Variants in DSTYK observed in about 807,000 individuals in gnomAD.
DSTYK encodes the protein RIP-homologous kinase.
DSTYK carries 34 observed loss-of-function variants against 98.7 expected under a neutral mutation model. The ratio of observed to expected loss-of-function variants is 0.34; its 90% confidence interval spans 0.26 to 0.46. The LOEUF (loss-of-function observed/expected upper bound fraction) is 0.46. Ranked by LOEUF, DSTYK falls within the 20% of genes least tolerant of loss-of-function variation. DSTYK has a pLI of 1.00. For missense variants in DSTYK, 962 were observed against 1,181.7 expected, an observed-to-expected ratio of 0.81 and a Z score of 2.73; for synonymous variants, 462 against 457.3, an observed-to-expected ratio of 1.01 and a Z score of -0.13.
At chr1:205,193,852 C>T (rs1658782859) in intron 1 of DSTYK, among the ~76,000 whole-genome samples, 1 of 141,976 alleles carries the variant, frequency 7.0e-6, no homozygotes, top group Non-Finnish European at 1.5e-5. Context: ...GCCTGGGCAA[C>T]AGAGTGAGAC....
chr1:205,164,389 G>A (rs1657823837), intron 3 of DSTYK, among the ~76,000 whole-genome samples: 1 of 151,868 alleles, frequency 6.6e-6, no homozygotes, highest in Admixed American at 6.6e-5. Flanking sequence ...CTGGGTGATG[G>A]GAGTGAGACC....
chr1:205,192,844 AAG>A (rs1192988358), intron 1 of DSTYK, among the ~76,000 whole-genome samples: 1 of 149,646 alleles, frequency 6.7e-6, no homozygotes, highest in African/African-American at 2.6e-5. Context: ...TCTGAGTGAC[AAG>A]AGCGAAACTC....
chr1:205,207,862 CCTTT>C (rs1223821243), intron 1 of DSTYK, among the ~76,000 whole-genome samples: 1 of 149,552 alleles, frequency 6.7e-6, no homozygotes, highest in Non-Finnish European at 1.5e-5. Flanking sequence ...GTGCTCAAAG[CCTTT>C]ATTTATGTAT....
chr1:205,169,633 C>A lies in DSTYK; in HGVS notation c.854G>T (p.Gly285Val). ...GGTTGAGGAGTCTATTATCTCCGAG[C>A]CCAGTTTCGGCACTTTGAAAAAGAA... ...PVFFFKVPKL[G>V]SEIIDSSTRR... The change falls in exon 3 of 13, where the codon GGC (glycine) becomes GTC (valine). Residue 285 changes from glycine (G) to valine (V), a missense_variant. Coordinates refer to ENST00000367162, the MANE Select transcript of DSTYK (RefSeq NM_015375.3). The surrounding 1 kb of genome is among the most constrained non-coding windows in gnomAD (Gnocchi z 4.0). 1 of 1,614,178 alleles carries A rather than the reference C, an allele frequency of 6.2e-7. No individual in the cohort carries two copies. The highest frequency in any genetic ancestry group is 8.5e-7 in the Non-Finnish European group (1 of 1,180,030).
intron 3 of DSTYK, among the ~76,000 whole-genome samples, chr1:205,168,038 G>A (rs1213219494): frequency 2.6e-5 from 4 of 152,146 alleles, no homozygotes; most frequent in African/African-American, 7.2e-5. Flanking sequence ...CCCAGGAGGC[G>A]GAGGTTGCAG....
At chr1:205,211,225 C>G (rs1391621433) in intron 1 of DSTYK, 46 bp downstream of exon 1, 1 of 1,539,346 alleles carries the variant, frequency 6.5e-7, no homozygotes, top group East Asian at 2.3e-5. Flanking sequence ...GTCCGTCCTC[C>G]GATTTGCCTC....
At position 205,160,248 on chromosome 1, in the gene DSTYK, T is replaced by C. The variant is rs772463867; in HGVS notation, c.1971A>G (p.Glu657=). The change falls in exon 8 of 13, where the codon GAA becomes GAG. Residue 657 remains glutamate, a synonymous_variant. Coordinates refer to ENST00000367162, the MANE Select transcript of DSTYK (RefSeq NM_015375.3). ...CCACACCATACTGGCCCCGGCCCAG[T>C]TCCTGTCCCAGTTTAGGTTTACCTA... is the stretch of plus-strand genomic sequence containing the variant. ...LLHRKPKLGQ[E]LGRGQYGVVY... is the part of the protein sequence containing the mutation. 5 of 1,614,142 alleles carry C rather than the reference T, an allele frequency of 3.1e-6. No homozygotes were observed. Among genetic ancestry groups the C allele is most frequent in the South Asian group, 1.1e-5 (1 of 91,074 alleles).
rs913619809 is a variant in DSTYK at position 205,155,030 on chromosome 1, G to A, written c.2352+2243C>T. On this transcript the variant is annotated intron_variant, in intron 10 of 12. Transcript: ENST00000367162. ...GACAGAGCCTCACTCTGTCACCCAG[G>A]CTGGAGTGCAGTGGCGCAATCTCAG... Among the ~76,000 whole-genome samples the A allele has an allele frequency of 1.1e-4, 16 of 152,004 alleles. No individual in the cohort carries two copies. The East Asian group carries it at 2.9e-3, about 28-fold the overall frequency.
intron 1 of DSTYK, among the ~76,000 whole-genome samples, chr1:205,194,621 G>A (rs1180605608): frequency 2.0e-5 from 3 of 149,042 alleles, no homozygotes; most frequent in African/African-American, 7.4e-5. Context: ...GGGTTCAAGC[G>A]ACCCTCCCAC....
At chr1:205,171,454 TA>T (rs10536424) in intron 2 of DSTYK, among the ~76,000 whole-genome samples, 22,415 of 115,162 alleles carry the variant, frequency 0.19, 2,193 homozygotes, top group East Asian at 0.43. Flanking sequence ...CTGTCTCAAT[TA>T]AAAAAAAAAA....
chr1:205,142,629 T>C lies in DSTYK; in HGVS notation c.*4929A>G, dbSNP rs1173899428. 3 of 151,908 alleles carry C rather than the reference T, an allele frequency of 2.0e-5. No homozygotes were observed. Among genetic ancestry groups the C allele is most frequent in the Non-Finnish European group, 4.4e-5 (3 of 67,970 alleles). The allele number at this position is 151,908 out of a possible 1,614,324, so 9.4% of individuals were successfully genotyped here. A position where few individuals can be genotyped will look rare whatever the true frequency, so the allele number is the denominator to read the frequency against. ...TACACTAATGAAGATTAACCCAGAGTCGCATCTCTTCAAAATGCACACAAT... is the reference window on the plus strand; with the variant it reads ...TACACTAATGAAGATTAACCCAGAGCCGCATCTCTTCAAAATGCACACAAT... On this transcript the variant is annotated 3_prime_UTR_variant, in exon 13 of 13. Transcript: ENST00000367162.
In DSTYK at chr1:205,187,712, A is replaced by C. The variant is rs759395108; in HGVS notation, c.360T>G (p.Asp120Glu). 1 of 1,614,152 alleles carries C rather than the reference A, an allele frequency of 6.2e-7. No individual in the cohort carries two copies. The highest frequency in any genetic ancestry group is 1.1e-5 in the South Asian group (1 of 91,084). ...TCAACAGCTGGCACTTGACGTTACA[A>C]TCCTGGCCGAGGATCAGTATGCAAG... ...CLPCILILGQ[D>E]CNVKCQLLNL... The change falls in exon 2 of 13, where the codon GAT (aspartate) becomes GAG (glutamate). Residue 120 changes from aspartate (D) to glutamate (E), a missense_variant. Asp to Glu is a conservative substitution (Grantham distance 45). Transcript: ENST00000367162.
intron 2 of DSTYK, among the ~76,000 whole-genome samples, chr1:205,174,513 C>CAAAA: frequency 1.0e-5 from 1 of 97,124 alleles, no homozygotes; most frequent in African/African-American, 4.3e-5. Flanking sequence ...ACTCCGTCTC[C>CAAAA]AAAAAAAAAA....
chr1:205,166,413 G>A (rs1657892028), intron 3 of DSTYK, among the ~76,000 whole-genome samples: 1 of 151,798 alleles, frequency 6.6e-6, no homozygotes, highest in Non-Finnish European at 1.5e-5. Context: ...GCACTTTGTG[G>A]GGGCTGAAGC....
chr1:205,209,629 ATGACTAGTTTTTC>A (rs1230877244), intron 1 of DSTYK, among the ~76,000 whole-genome samples: 2 of 64,792 alleles, frequency 3.1e-5, no homozygotes, highest in African/African-American at 6.5e-5. Flanking sequence ...AAGGAGGGGG[ATGACTAGTTTTTC>A]TGAAACTACT....
At chr1:205,202,602 A>T (rs1050868076) in intron 1 of DSTYK, 35 of 1,101,494 alleles carry the variant, frequency 3.2e-5, no homozygotes, top group Non-Finnish European at 4.2e-5. Flanking sequence ...GGATTAACCC[A>T]TACGTGAGCT....
chr1:205,182,410 C>T (rs1391218051), intron 2 of DSTYK, among the ~76,000 whole-genome samples: 1 of 142,204 alleles, frequency 7.0e-6, no homozygotes, highest in Admixed American at 7.3e-5. Context: ...AAAGCCAAAA[C>T]AAACCAAAAC....
At chr1:205,162,414 A>AGGCC (rs1392597584) in intron 5 of DSTYK, among the ~76,000 whole-genome samples, 3 of 152,250 alleles carry the variant, frequency 2.0e-5, no homozygotes, top group African/African-American at 7.2e-5. Flanking sequence ...AAAGAACACC[A>AGGCC]GGCCTAGTCT....
Position 205,169,611 on chromosome 1 carries a change from T to C in DSTYK, c.876A>G (p.Ser292=), listed in dbSNP as rs1657993317. ...PKLGSEIIDS[S]TRRMESERSP... ...ATCTTTCGCTCTCCATTCTCCTGGT[T>C]GAGGAGTCTATTATCTCCGAGCCCA... Residue 292 remains serine (S), a synonymous_variant, in exon 3 of 13, where the codon TCA becomes TCG. Transcript: ENST00000367162. The surrounding 1 kb of genome is among the most constrained non-coding windows in gnomAD (Gnocchi z 4.0). 1 of 1,614,102 alleles carries C rather than the reference T, an allele frequency of 6.2e-7. No individual in the cohort carries two copies. The highest frequency in any genetic ancestry group is 2.2e-5 in the East Asian group (1 of 44,898).
Sources: allele counts gnomAD v4.1 joint callset (sites outside exome capture counted in the v4.1 genomes callset), GRCh38; gene constraint gnomAD v4.1.1; non-coding constraint Gnocchi (gnomAD v3.1); transcripts MANE v1.5; gene names NCBI Gene and HGNC (gene_info 2026-07-23, HGNC 2026-07-21).